NVL: variants seen among roughly 807,000 people sequenced by gnomAD.
NVL encodes nuclear valosin-containing protein-like.
NVL carries 84 observed loss-of-function variants against 110.2 expected under a neutral mutation model. The observed-to-expected ratio is 0.76, with a 90% CI of 0.64 to 0.91. The LOEUF (loss-of-function observed/expected upper bound fraction) is 0.91, where lower values mean the gene tolerates loss of function less well. Ranked by LOEUF, NVL falls within the 40% of genes least tolerant of loss-of-function variation. The pLI, the probability that NVL is intolerant of heterozygous loss-of-function variation, is 0.00. For missense variants in NVL, 882 were observed against 1,035.9 expected (o/e 0.85, Z 2.04); for synonymous variants, 354 against 361.1 (o/e 0.98, Z 0.22).
intron 19 of NVL, among the ~76,000 whole-genome samples, chr1:224,238,540 A>C (rs1660791539): frequency 2.6e-5 from 4 of 152,218 alleles, no homozygotes; most frequent in Admixed American, 2.6e-4. Context: ...GCTATCACTA[A>C]ATAAAATGGA....
chr1:224,255,187 T>TG (rs1173560222), intron 18 of NVL, among the ~76,000 whole-genome samples: 4 of 128,554 alleles, frequency 3.1e-5, no homozygotes, highest in Non-Finnish European at 6.6e-5. Context: ...TGTAGGTTTT[T>TG]TTTTTTTTTT....
intron 19 of NVL, 28 bp downstream of exon 19, chr1:224,250,184 A>G: frequency 6.2e-7 from 1 of 1,601,830 alleles, no homozygotes; most frequent in Non-Finnish European, 8.5e-7. Context: ...AGAAACATAT[A>G]CAAAAATATA....
chr1:224,292,835 C>T (rs1215745911), intron 12 of NVL, among the ~76,000 whole-genome samples: 1 of 152,016 alleles, frequency 6.6e-6, no homozygotes, highest in African/African-American at 2.4e-5. Context: ...ACTACAACCT[C>T]CACTTCCCAG....
At chr1:224,254,568 T>TTTG (rs1282433194) in intron 18 of NVL, among the ~76,000 whole-genome samples, 1 of 52,846 alleles carries the variant, frequency 1.9e-5, no homozygotes, top group African/African-American at 3.7e-5. Context: ...AATTTGTTTT[T>TTTG]TTTGTTTTTT....
chr1:224,296,277 G>C (rs775580846), intron 11 of NVL, among the ~76,000 whole-genome samples: 29 of 152,010 alleles, frequency 1.9e-4, no homozygotes, highest in Non-Finnish European at 3.8e-4. Flanking sequence ...GTAGCATCTC[G>C]CTATGTTGCC....
chr1:224,301,380 C>T (rs896406540), intron 9 of NVL, among the ~76,000 whole-genome samples: 1 of 152,062 alleles, frequency 6.6e-6, no homozygotes, highest in Non-Finnish European at 1.5e-5. Context: ...GCTGGGGATA[C>T]AGGAGTGACC....
At chr1:224,247,947 T>C (rs1033524531) in intron 19 of NVL, among the ~76,000 whole-genome samples, 1 of 152,150 alleles carries the variant, frequency 6.6e-6, no homozygotes, top group East Asian at 1.9e-4. Context: ...GGTGGGAAAA[T>C]TGCCTTAGGT....
intron 22 of NVL, among the ~76,000 whole-genome samples, chr1:224,228,924 CAA>C (rs368485856): frequency 3.3e-3 from 272 of 81,662 alleles, no homozygotes; most frequent in African/African-American, 0.012. Context: ...GACTCCGTCT[CAA>C]AAAAAAAAAA....
At chr1:224,290,607 C>A (rs993278878) in intron 12 of NVL, among the ~76,000 whole-genome samples, 1 of 151,996 alleles carries the variant, frequency 6.6e-6, no homozygotes, top group Non-Finnish European at 1.5e-5. Flanking sequence ...TCAAGACCAT[C>A]CTGGCTAACA....
At chr1:224,258,614 T>A (rs528472207) in intron 18 of NVL, among the ~76,000 whole-genome samples, 2 of 152,244 alleles carry the variant, frequency 1.3e-5, no homozygotes, top group African/African-American at 4.8e-5. Context: ...ATAGCAGCAT[T>A]ATTCATAATA....
intron 12 of NVL, among the ~76,000 whole-genome samples, chr1:224,293,301 C>A (rs1421370643): frequency 1.4e-5 from 2 of 146,538 alleles, no homozygotes; most frequent in African/African-American, 5.1e-5. Context: ...AATCTCCTGA[C>A]CTCGTGATCC....
chr1:224,245,021 A>C (rs139602992), intron 19 of NVL, among the ~76,000 whole-genome samples: 227 of 152,242 alleles, frequency 1.5e-3, no homozygotes, highest in African/African-American at 4.4e-3. Context: ...AGATCCCAAA[A>C]GATATGAAGA....
chr1:224,268,388 A>G (rs563546542), intron 17 of NVL, among the ~76,000 whole-genome samples: 5 of 152,268 alleles, frequency 3.3e-5, no homozygotes, highest in African/African-American at 1.2e-4. Context: ...TCACTAGATA[A>G]AGGAAGAAAT....
intron 19 of NVL, among the ~76,000 whole-genome samples, chr1:224,242,621 C>A (rs779601091): frequency 6.7e-6 from 1 of 149,098 alleles, no homozygotes; most frequent in Non-Finnish European, 1.5e-5. Context: ...GTGCACGCCA[C>A]CATGCCTGGC....
Position 224,294,412 on chromosome 1 carries a change from C to G in NVL, c.1181-1G>C. 1 of 1,613,868 alleles carries G rather than the reference C, an allele frequency of 6.2e-7. No homozygotes were observed. Among genetic ancestry groups the G allele is most frequent in the Non-Finnish European group, 8.5e-7 (1 of 1,179,968 alleles). ...GCTGTAGCAGCCACATTATTCAGAT[C>G]TAGTAAGAGACAGAGAAAGAGTAGT... On this transcript the variant is annotated splice_acceptor_variant, in intron 11 of 22. Transcript: ENST00000281701. LOFTEE classifies it high-confidence loss of function.
chr1:224,229,967 G>C (rs1273221263), intron 22 of NVL, among the ~76,000 whole-genome samples: 1 of 152,094 alleles, frequency 6.6e-6, no homozygotes, highest in African/African-American at 2.4e-5. Flanking sequence ...AAGTAGCTGG[G>C]ACTACAGGTG....
intron 18 of NVL, among the ~76,000 whole-genome samples, chr1:224,255,265 C>T (rs769572959): frequency 5.8e-5 from 8 of 138,658 alleles, no homozygotes; most frequent in Admixed American, 1.6e-4. Flanking sequence ...TCTTGGCTCA[C>T]GGCAAGCTCC....
At chr1:224,278,287 A>G (rs1223611216) in intron 16 of NVL, among the ~76,000 whole-genome samples, 2 of 135,270 alleles carry the variant, frequency 1.5e-5, no homozygotes, top group Non-Finnish European at 3.0e-5. Context: ...GCTGGAGTGC[A>G]GTGGCGTGAT....
At chr1:224,307,334 C>T (rs1227307561) in intron 6 of NVL, among the ~76,000 whole-genome samples, 5 of 152,160 alleles carry the variant, frequency 3.3e-5, no homozygotes, top group East Asian at 1.9e-4. Flanking sequence ...AGTCAGGCAG[C>T]GAAATCATAA....
Sources: gnomAD v4.1 joint callset for allele counts (sites outside exome capture counted in the v4.1 genomes callset) on GRCh38, gnomAD v4.1.1 for gene constraint, MANE v1.5 for transcripts, NCBI Gene and HGNC (gene_info 2026-07-23, HGNC 2026-07-21) for gene names.